GUCY2F: variants seen among roughly 807,000 people sequenced by gnomAD.
GUCY2F encodes guanylate cyclase 2F, retinal.
A neutral mutation model predicts 73.1 loss-of-function variants in GUCY2F; 61 were observed. That is an observed-to-expected ratio of 0.83 (90% CI 0.68 to 1.03). The LOEUF is 1.03. Among genes scored for constraint, GUCY2F ranks in the 50% least tolerant of loss-of-function variants. GUCY2F has a pLI of 0.00. For missense variants in GUCY2F, 912 were observed against 854.3 expected, an observed-to-expected ratio of 1.07 and a Z score of -0.84; for synonymous variants, 331 against 307.8, an observed-to-expected ratio of 1.08 and a Z score of -0.79.
At chrX:109,445,027 C>T (rs1187357808) in intron 6 of GUCY2F, among the ~76,000 whole-genome samples, 1 of 111,454 alleles carries the variant, frequency 9.0e-6, no homozygotes, top group African/African-American at 3.3e-5. Context: ...CTCTGAAGTC[C>T]TACCACATTC....
At chrX:109,463,658 C>T (rs1603385570) in intron 3 of GUCY2F, among the ~76,000 whole-genome samples, 2 of 110,462 alleles carry the variant, frequency 1.8e-5, no homozygotes, top group African/African-American at 3.3e-5. Flanking sequence ...AGGATGGTCT[C>T]GATCTCCTGA....
intron 15 of GUCY2F, among the ~76,000 whole-genome samples, chrX:109,388,278 T>C (rs893717430): frequency 3.6e-5 from 4 of 111,402 alleles, no homozygotes; most frequent in Non-Finnish European, 7.5e-5. Context: ...ATTAAAAGAG[T>C]TTAGTACCTG....
intron 2 of GUCY2F, among the ~76,000 whole-genome samples, chrX:109,467,299 T>C (rs779895021): frequency 1.5e-4 from 17 of 112,147 alleles, no homozygotes; most frequent in Admixed American, 1.4e-3. Context: ...CATAGGTCCA[T>C]TGAGGCGGGG....
chrX:109,426,751 T>C (rs781309214), intron 8 of GUCY2F, among the ~76,000 whole-genome samples: 4 of 111,886 alleles, frequency 3.6e-5, no homozygotes, highest in Non-Finnish European at 5.6e-5. Flanking sequence ...AATATAATGG[T>C]AGCAGTGTTT....
intron 8 of GUCY2F, among the ~76,000 whole-genome samples, chrX:109,425,441 T>G (rs1296047521): frequency 9.3e-6 from 1 of 106,970 alleles, no homozygotes; most frequent in Non-Finnish European, 1.9e-5. Context: ...ATACATATAT[T>G]TATATATATG....
At chrX:109,414,673 G>T (rs1021359424) in intron 8 of GUCY2F, among the ~76,000 whole-genome samples, 7 of 112,211 alleles carry the variant, frequency 6.2e-5, no homozygotes, top group African/African-American at 2.3e-4. Flanking sequence ...TACATAATGT[G>T]AGTATGTATA....
At chrX:109,458,537 T>C (rs1932303787) in intron 3 of GUCY2F, among the ~76,000 whole-genome samples, 1 of 111,354 alleles carries the variant, frequency 9.0e-6, no homozygotes. Context: ...ATCCTGGAAG[T>C]ATAATGTTCA....
chrX:109,438,527 G>GGTCCAAA (rs1266329636), intron 7 of GUCY2F, among the ~76,000 whole-genome samples: 1 of 112,928 alleles, frequency 8.9e-6, no homozygotes, highest in Non-Finnish European at 1.9e-5. Flanking sequence ...AGAGGTAACA[G>GGTCCAAA]GTCCAAAGTA....
chrX:109,430,880 A>G (rs927834921), intron 7 of GUCY2F, among the ~76,000 whole-genome samples: 1 of 111,406 alleles, frequency 9.0e-6, no homozygotes, highest in African/African-American at 3.3e-5. Flanking sequence ...CTCGTGGGAC[A>G]GGCCATTCGT....
At chrX:109,395,537 A>G (rs1291650273) in intron 11 of GUCY2F, 48 bp from the exon 12 acceptor site, 1 of 1,107,365 alleles carries the variant, frequency 9.0e-7, no homozygotes, top group Non-Finnish European at 1.2e-6. Context: ...GGAAAAAATG[A>G]CCAAGATTTG....
chrX:109,389,347 A>C (rs1930507882), intron 14 of GUCY2F, among the ~76,000 whole-genome samples: 1 of 112,186 alleles, frequency 8.9e-6, no homozygotes, highest in Non-Finnish European at 1.9e-5. Context: ...ACTTTTAGAT[A>C]ACCAGTAAGT....
chrX:109,465,316 G>T lies in GUCY2F; in HGVS notation c.858C>A (p.Tyr286Ter). ...YVFVPYDALL[Y>*]SLPYKHTPYR... Reference sequence around the variant, plus strand: ...AGGGGGTGTGCTTATAAGGTAAACTGTAGAGCAGGGCATCATAAGGAACAA... The same window carrying T: ...AGGGGGTGTGCTTATAAGGTAAACTTTAGAGCAGGGCATCATAAGGAACAA... The change falls in exon 3 of 20, where the codon TAC (tyrosine) becomes TAA (stop). Residue 286 changes from tyrosine (Y) to a stop codon, truncating the protein, a stop_gained. Coordinates refer to ENST00000218006, the MANE Select transcript of GUCY2F (RefSeq NM_001522.3). LOFTEE classifies it high-confidence loss of function. 3 of 1,206,473 alleles carry T rather than the reference G, an allele frequency of 2.5e-6. No homozygotes were observed. The highest frequency in any genetic ancestry group is 3.4e-6 in the Non-Finnish European group (3 of 890,771).
At chrX:109,434,546 A>G (rs994544095) in intron 7 of GUCY2F, among the ~76,000 whole-genome samples, 2 of 109,976 alleles carry the variant, frequency 1.8e-5, no homozygotes, top group Non-Finnish European at 3.8e-5. Flanking sequence ...TCTTATGAAA[A>G]TTTAATTTAT....
chrX:109,452,205 T>C, intron 4 of GUCY2F, 98 bp from the exon 5 acceptor site: 1 of 546,987 alleles, frequency 1.8e-6, no homozygotes. Context: ...CTGGTGACTC[T>C]AATATCAAGC....
intron 3 of GUCY2F, among the ~76,000 whole-genome samples, chrX:109,464,766 T>G (rs779238363): frequency 6.2e-4 from 70 of 112,546 alleles, no homozygotes; most frequent in Non-Finnish European, 9.9e-4. Context: ...AAGGAAATAG[T>G]TTCTTATATA....
At chrX:109,430,178 C>T in intron 8 of GUCY2F, 129 bp downstream of exon 8, 1 of 503,297 alleles carries the variant, frequency 2.0e-6, no homozygotes, top group South Asian at 3.1e-5. Context: ...ATCATACCAA[C>T]CCATTAGCAA....
At chrX:109,422,539 T>C (rs1011143796) in intron 8 of GUCY2F, among the ~76,000 whole-genome samples, 3 of 111,806 alleles carry the variant, frequency 2.7e-5, no homozygotes, top group African/African-American at 9.7e-5. Context: ...TATGTCTTTT[T>C]AGCAGAATTA....
At chrX:109,426,862 CCAGCATAA>C (rs1724290195) in intron 8 of GUCY2F, among the ~76,000 whole-genome samples, 1 of 112,125 alleles carries the variant, frequency 8.9e-6, no homozygotes. Context: ...ATTGATGTCA[CCAGCATAA>C]CAGCAGGTCT....
chrX:109,455,618 T>C (rs1045241284), intron 3 of GUCY2F, among the ~76,000 whole-genome samples: 8 of 111,494 alleles, frequency 7.2e-5, no homozygotes, highest in Non-Finnish European at 1.5e-4. Flanking sequence ...TAGACATTTT[T>C]ATAGCCTGTT....
Sources: allele counts gnomAD v4.1 joint callset (sites outside exome capture counted in the v4.1 genomes callset), GRCh38; gene constraint gnomAD v4.1.1; transcripts MANE v1.5; gene names NCBI Gene and HGNC (gene_info 2026-07-23, HGNC 2026-07-21).